Variants in WWTR1 observed in about 807,000 individuals in gnomAD.
The protein encoded by WWTR1 is WW domain-containing transcription regulator protein 1.
In WWTR1, 13 loss-of-function variants were observed where a neutral mutation model predicts 40.1. The observed-to-expected ratio is 0.32, with a 90% CI of 0.21 to 0.52. The LOEUF (loss-of-function observed/expected upper bound fraction) is 0.52, where lower values mean the gene tolerates loss of function less well. Among genes scored for constraint, WWTR1 ranks in the 20% least tolerant of loss-of-function variants. The pLI is 0.97. For missense variants in WWTR1, 436 were observed against 523.1 expected, an observed-to-expected ratio of 0.83 and a Z score of 1.63; for synonymous variants, 230 against 210.1, an observed-to-expected ratio of 1.09 and a Z score of -0.82.
At chr3:149,630,995 G>A (rs1191169187) in intron 2 of WWTR1, among the ~76,000 whole-genome samples, 1 of 152,184 alleles carries the variant, frequency 6.6e-6, no homozygotes, top group African/African-American at 2.4e-5. Context: ...ATATTCTTTT[G>A]TTGAGATCTC....
intron 1 of WWTR1, among the ~76,000 whole-genome samples, chr3:149,699,182 T>G (rs887530467): frequency 2.0e-5 from 3 of 152,256 alleles, no homozygotes; most frequent in African/African-American, 7.2e-5. Flanking sequence ...CAACTTTAAG[T>G]CATTTCTTTG....
chr3:149,593,566 C>T (rs978576085), intron 2 of WWTR1, among the ~76,000 whole-genome samples: 1 of 152,188 alleles, frequency 6.6e-6, no homozygotes, highest in Non-Finnish European at 1.5e-5. Flanking sequence ...GAAGAGAACT[C>T]TAAGAATGCC....
chr3:149,712,798 G>A (rs956075623), intron 5 of WWTR1, among the ~76,000 whole-genome samples: 2 of 152,108 alleles, frequency 1.3e-5, no homozygotes, highest in Non-Finnish European at 2.9e-5. Context: ...TACTAGCAAG[G>A]GTGGAAAGTA....
At chr3:149,601,387 G>A (rs536229633) in intron 2 of WWTR1, among the ~76,000 whole-genome samples, 1 of 152,176 alleles carries the variant, frequency 6.6e-6, no homozygotes, top group Admixed American at 6.5e-5. Context: ...TAGTAAAGAG[G>A]GGGCTTCACT....
At chr3:149,550,065 C>A (rs1736545545) in intron 3 of WWTR1, among the ~76,000 whole-genome samples, 1 of 152,134 alleles carries the variant, frequency 6.6e-6, no homozygotes, top group Admixed American at 6.6e-5. Context: ...ACTCTCTTCT[C>A]AATTTTAATA....
At chr3:149,676,667 C>G (rs6763977) in intron 1 of WWTR1, among the ~76,000 whole-genome samples, 60,443 of 149,384 alleles carry the variant, frequency 0.4, 12,180 homozygotes, top group Middle Eastern at 0.57. Flanking sequence ...TTTGCCCATG[C>G]GCACAGTTAG....
rs79334065 is a variant in WWTR1 at position 149,548,104 on chromosome 3, G to A, written c.569-5567C>T. On this transcript the variant is annotated intron_variant, in intron 3 of 6. Transcript: ENST00000360632. The stretch of plus-strand genomic sequence containing the variant: ...CGTAGGACATGACCCTCTGGTTAGT[G>A]CTGCCTGGGGCAATATACACTTGGT... 4.9e-3 allele frequency among the ~76,000 whole-genome samples: 750 copies of A among 152,162 alleles called. 9 individuals carry two copies. The highest frequency in any genetic ancestry group is 0.017 in the African/African-American group (710 of 41,518).
At chr3:149,585,156 T>TGTGTGTGTG (rs1357473754) in intron 2 of WWTR1, among the ~76,000 whole-genome samples, 1 of 59,242 alleles carries the variant, frequency 1.7e-5, no homozygotes, top group African/African-American at 6.4e-5. Flanking sequence ...GTGTGTGTGT[T>TGTGTGTGTG]TAAGATGGAG....
intron 6 of WWTR1, among the ~76,000 whole-genome samples, chr3:149,525,362 A>G (rs1735250412): frequency 6.6e-6 from 1 of 152,188 alleles, no homozygotes; most frequent in Admixed American, 6.5e-5. Flanking sequence ...AGAACAGCAT[A>G]AATACCCCAA....
intron 2 of WWTR1, among the ~76,000 whole-genome samples, chr3:149,621,696 G>A (rs1266272940): frequency 6.6e-6 from 1 of 152,176 alleles, no homozygotes; most frequent in Non-Finnish European, 1.5e-5. Flanking sequence ...TATGGTCTAT[G>A]CCCAGTTATA....
chr3:149,716,827 G>A (rs182162926), intron 5 of WWTR1, among the ~76,000 whole-genome samples: 5 of 152,042 alleles, frequency 3.3e-5, no homozygotes, highest in African/African-American at 1.2e-4. Flanking sequence ...ATTTTTATAA[G>A]GACAGATCTA....
At chr3:149,712,830 A>T (rs1715513017) in intron 5 of WWTR1, among the ~76,000 whole-genome samples, 1 of 152,248 alleles carries the variant, frequency 6.6e-6, no homozygotes, top group Admixed American at 6.5e-5. Flanking sequence ...ATTACACTTC[A>T]GGACAATATA....
intron 2 of WWTR1, among the ~76,000 whole-genome samples, chr3:149,601,326 G>C (rs1307857002): frequency 1.3e-5 from 2 of 152,076 alleles, no homozygotes; most frequent in Non-Finnish European, 2.9e-5. Context: ...GAGTATCTGG[G>C]ACCACAGGTG....
chr3:149,527,768 G>A (rs1735389079), intron 5 of WWTR1, 68 bp downstream of exon 5: 1 of 1,600,294 alleles, frequency 6.2e-7, no homozygotes, highest in Admixed American at 1.7e-5. Context: ...TGTAAACAAA[G>A]ATCCTATTAT....
intron 2 of WWTR1, among the ~76,000 whole-genome samples, chr3:149,628,737 T>TTTTATTTTA (rs1553801365): frequency 0.024 from 3,503 of 144,738 alleles, 55 homozygotes; most frequent in African/African-American, 0.046. Flanking sequence ...CTTTTTATTT[T>TTTTATTTTA]TTTTATTTTA....
chr3:149,698,062 C>A (rs957001413), intron 1 of WWTR1, among the ~76,000 whole-genome samples: 4 of 152,246 alleles, frequency 2.6e-5, no homozygotes, highest in Admixed American at 2.0e-4. Flanking sequence ...ATTGCTCTCA[C>A]AGGTTGGAGT....
chr3:149,544,965 A>G (rs780269136), intron 3 of WWTR1, among the ~76,000 whole-genome samples: 1 of 152,162 alleles, frequency 6.6e-6, no homozygotes, highest in Non-Finnish European at 1.5e-5. Flanking sequence ...TAAGCCTGCC[A>G]CCAAGGACTC....
chr3:149,585,718 G>C (rs1283316130), intron 2 of WWTR1, among the ~76,000 whole-genome samples: 1 of 152,190 alleles, frequency 6.6e-6, no homozygotes, highest in Non-Finnish European at 1.5e-5. Flanking sequence ...AAGTAGAAAG[G>C]GGACTTCAGC....
intron 1 of WWTR1, among the ~76,000 whole-genome samples, chr3:149,694,703 T>A (rs956794946): frequency 1.3e-5 from 2 of 152,226 alleles, no homozygotes; most frequent in Non-Finnish European, 2.9e-5. Context: ...AGAACCCTCA[T>A]ACACTGTTGG....
Sources: allele counts gnomAD v4.1 joint callset (sites outside exome capture counted in the v4.1 genomes callset), GRCh38; gene constraint gnomAD v4.1.1; transcripts MANE v1.5; gene names NCBI Gene and HGNC (gene_info 2026-07-23, HGNC 2026-07-21).